Variants in INSR observed in about 807,000 individuals in gnomAD.
INSR encodes IR.
Under a neutral mutation model 142.6 loss-of-function variants are expected in INSR, and 67 were observed. That is an observed-to-expected ratio of 0.47 (90% confidence interval 0.39 to 0.58). The LOEUF (loss-of-function observed/expected upper bound fraction) is 0.58, where lower values mean the gene tolerates loss of function less well. Ranked by LOEUF, INSR falls within the 20% of genes least tolerant of loss-of-function variation. The pLI is 0.00. For missense variants in INSR, 1,248 were observed against 1,833.2 expected, an observed-to-expected ratio of 0.68 and a Z score of 5.83; for synonymous variants, 756 against 743.1, an observed-to-expected ratio of 1.02 and a Z score of -0.28.
intron 17 of INSR, among the ~76,000 whole-genome samples, chr19:7,123,411 C>T (rs752457672): frequency 1.7e-4 from 26 of 151,848 alleles, no homozygotes; most frequent in Non-Finnish European, 3.2e-4. Context: ...TCTGGTGATC[C>T]GCCTGCCTCA....
chr19:7,173,118 A>G (rs1974057216), intron 4 of INSR, among the ~76,000 whole-genome samples: 1 of 152,094 alleles, frequency 6.6e-6, no homozygotes, highest in African/African-American at 2.4e-5. Context: ...TTATAGGGAA[A>G]AGTTGCCCAT....
At chr19:7,208,732 G>A (rs1215140166) in intron 2 of INSR, among the ~76,000 whole-genome samples, 2 of 152,280 alleles carry the variant, frequency 1.3e-5, no homozygotes, top group Non-Finnish European at 2.9e-5. Context: ...TAGGCTGGGC[G>A]CAGTGGCTCA....
At chr19:7,243,164 G>GATGAA (rs762814930) in intron 2 of INSR, among the ~76,000 whole-genome samples, 7 of 146,138 alleles carry the variant, frequency 4.8e-5, no homozygotes, top group Non-Finnish European at 1.0e-4. Context: ...CAAAAATAAA[G>GATGAA]ATGAATCACG....
chr19:7,268,253 G>C (rs774272578), intron 1 of INSR, among the ~76,000 whole-genome samples: 1 of 152,026 alleles, frequency 6.6e-6, no homozygotes, highest in East Asian at 1.9e-4. Context: ...CAACATAGAA[G>C]ATCTTCAGGA....
chr19:7,236,036 C>T (rs1022629121), intron 2 of INSR, among the ~76,000 whole-genome samples: 6 of 144,220 alleles, frequency 4.2e-5, no homozygotes, highest in African/African-American at 1.1e-4. Flanking sequence ...TGCAGTGGTG[C>T]GATCTCAGCT....
intron 6 of INSR, 74 bp downstream of exon 6, chr19:7,170,463 C>T: frequency 9.1e-7 from 1 of 1,099,052 alleles, no homozygotes; most frequent in Non-Finnish European, 1.4e-6. Context: ...CCCCACCCAC[C>T]ACCAGTCCAT....
intron 9 of INSR, 130 bp from the exon 10 acceptor site, chr19:7,153,057 ACACACACAC>A: frequency 6.1e-6 from 2 of 326,770 alleles, no homozygotes; most frequent in South Asian, 2.3e-5. Context: ...ACCCCCCCAC[ACACACACAC>A]CACACACATC....
chr19:7,153,319 AC>A (rs1260978954), intron 9 of INSR, among the ~76,000 whole-genome samples: 11 of 146,268 alleles, frequency 7.5e-5, no homozygotes, highest in East Asian at 2.2e-4. Flanking sequence ...AATCACACAC[AC>A]ACCACACACA....
intron 17 of INSR, 194 bp from the exon 18 acceptor site, chr19:7,123,183 A>T (rs537678123): frequency 3.8e-4 from 215 of 563,138 alleles, no homozygotes; most frequent in African/African-American, 3.6e-3. Flanking sequence ...TTTTTTTTTA[A>T]TTTTCGAGAC....
Position 7,122,644 on chromosome 19 carries a change from C to T in INSR, c.3499G>A (p.Val1167Ile). 1.2e-6 allele frequency: 2 copies of T among 1,614,214 alleles called. No individual in the cohort carries two copies. Among genetic ancestry groups the T allele is most frequent in the Non-Finnish European group, 1.7e-6 (2 of 1,180,040 alleles). Residue 1167 changes from valine (V) to isoleucine (I), a missense_variant, in exon 19 of 22, where the codon GTC becomes ATC. By Grantham distance (29) the Val-to-Ile change is conservative. Coordinates refer to ENST00000302850, the MANE Select transcript of INSR (RefSeq NM_000208.4). ...ATTTTGACAGTAAAATCATGGGCGA[C>T]CATGCAGTTTCTCGCTGCCAGGTCC... ...HRDLAARNCMVAHDFTVKIGD... is the reference protein window; with the variant it reads ...HRDLAARNCMIAHDFTVKIGD...
intron 2 of INSR, among the ~76,000 whole-genome samples, chr19:7,219,046 C>G (rs572181231): frequency 5.9e-5 from 9 of 152,186 alleles, no homozygotes; most frequent in Non-Finnish European, 1.2e-4. Flanking sequence ...ATGAACCATT[C>G]GCTCTTCTGT....
At chr19:7,140,957 A>G (rs16994189) in intron 13 of INSR, among the ~76,000 whole-genome samples, 2,807 of 152,226 alleles carry the variant, frequency 0.018, 49 homozygotes, top group African/African-American at 0.044. Flanking sequence ...CTTGGATTCT[A>G]TGTCTTGTGC....
intron 13 of INSR, among the ~76,000 whole-genome samples, chr19:7,136,492 A>G (rs1972930732): frequency 1.3e-5 from 2 of 151,972 alleles, no homozygotes; most frequent in South Asian, 4.2e-4. Context: ...ACTGGATTTA[A>G]CTCGAATCCT....
intron 9 of INSR, among the ~76,000 whole-genome samples, chr19:7,158,415 G>A (rs1056596132): frequency 2.6e-5 from 4 of 152,088 alleles, no homozygotes; most frequent in Admixed American, 1.3e-4. Flanking sequence ...GCAGGAGAAT[G>A]GCGTGAACCC....
At chr19:7,224,771 ACCAATAGCAGGTGGGCTT>A (rs1016635879) in intron 2 of INSR, among the ~76,000 whole-genome samples, 9 of 152,222 alleles carry the variant, frequency 5.9e-5, no homozygotes, top group African/African-American at 1.9e-4. Context: ...GTCCTGGCTA[ACCAATAGCAGGTGGGCTT>A]TTGCAGAGAT....
At chr19:7,212,719 G>A (rs569974569) in intron 2 of INSR, among the ~76,000 whole-genome samples, 56 of 152,092 alleles carry the variant, frequency 3.7e-4, no homozygotes, top group African/African-American at 1.3e-3. Context: ...CCAAGTAGTT[G>A]GGACTACAGG....
intron 14 of INSR, among the ~76,000 whole-genome samples, chr19:7,129,312 T>C (rs1972722016): frequency 6.6e-6 from 1 of 152,188 alleles, no homozygotes; most frequent in Non-Finnish European, 1.5e-5. Context: ...TTATTCATTT[T>C]ATTTTAATTT....
chr19:7,117,219 A>G lies in INSR; in HGVS notation c.3986T>C (p.Leu1329Pro). ...MEFEDMENVP[L>P]DRSSHCQREE... ...CCTCTGACAGTGCGAGGAACGGTCC[A>G]GGGGCACATTCTCCATGTCCTCAAA... Residue 1329 changes from leucine to proline, a missense_variant, in exon 22 of 22, where the codon CTG becomes CCG. This residue lies in a region of INSR where 122 missense variants were observed against 129.8 expected (regional missense o/e 0.94). Transcript: ENST00000302850. The G allele has an allele frequency of 6.2e-7, 1 of 1,614,130 alleles. No individual in the cohort carries two copies. Among genetic ancestry groups the G allele is most frequent in the Non-Finnish European group, 8.5e-7 (1 of 1,180,004 alleles).
At chr19:7,121,171 G>T (rs181874727) in intron 19 of INSR, among the ~76,000 whole-genome samples, 1 of 151,984 alleles carries the variant, frequency 6.6e-6, no homozygotes, top group African/African-American at 2.4e-5. Context: ...CTAATGTTTT[G>T]TATTTTGAGT....
Sources: allele counts gnomAD v4.1 joint callset (sites outside exome capture counted in the v4.1 genomes callset), GRCh38; gene constraint gnomAD v4.1.1; regional missense constraint gnomAD v4.1.1; transcripts MANE v1.5; gene names NCBI Gene and HGNC (gene_info 2026-07-23, HGNC 2026-07-21).